NLK: variants seen among roughly 807,000 people sequenced by gnomAD.
The protein encoded by NLK is serine/threonine-protein kinase NLK.
NLK carries 11 observed loss-of-function variants against 59.0 expected under a neutral mutation model. That is an observed-to-expected ratio of 0.19 (90% confidence interval 0.12 to 0.31). The LOEUF (loss-of-function observed/expected upper bound fraction) is 0.31, where lower values mean the gene tolerates loss of function less well. NLK is among the 10% of genes least tolerant of loss of function. NLK has a pLI of 1.00. For synonymous variants in NLK, 235 were observed against 235.9 expected (o/e 1.00, Z 0.03); for missense variants, 410 against 661.1 (o/e 0.62, Z 4.16).
intron 3 of NLK, among the ~76,000 whole-genome samples, chr17:28,147,422 G>A (rs149992419): frequency 6.6e-6 from 1 of 152,264 alleles, no homozygotes; most frequent in African/African-American, 2.4e-5. Flanking sequence ...GTGTGAGGCT[G>A]ATTATTATGC....
chr17:28,198,072 CTT>C (rs1455068849), downstream of NLK, among the ~76,000 whole-genome samples: 1 of 152,158 alleles, frequency 6.6e-6, no homozygotes, highest in Non-Finnish European at 1.5e-5. Flanking sequence ...CAGCAGCAAT[CTT>C]TAAACTGGGG....
At chr17:28,091,711 A>G (rs1904501274) in intron 1 of NLK, among the ~76,000 whole-genome samples, 1 of 152,162 alleles carries the variant, frequency 6.6e-6, no homozygotes, top group Non-Finnish European at 1.5e-5. Flanking sequence ...CTCCAGTGAG[A>G]CAGTCTGATC....
intron 3 of NLK, among the ~76,000 whole-genome samples, chr17:28,159,629 C>A (rs1046201246): frequency 3.3e-5 from 5 of 152,172 alleles, no homozygotes; most frequent in Non-Finnish European, 7.4e-5. Flanking sequence ...CATTAACTTT[C>A]ATTATGAAGT....
At chr17:28,166,454 C>G (rs1908240708) in intron 5 of NLK, among the ~76,000 whole-genome samples, 1 of 152,044 alleles carries the variant, frequency 6.6e-6, no homozygotes, top group African/African-American at 2.4e-5. Context: ...ATTTTGTTTT[C>G]TTTAGAACGG....
chr17:28,156,591 T>A (rs1907746465), intron 3 of NLK, among the ~76,000 whole-genome samples: 1 of 151,940 alleles, frequency 6.6e-6, no homozygotes, highest in Non-Finnish European at 1.5e-5. Flanking sequence ...GGATGGTCAT[T>A]GATTTGTTAG....
chr17:28,043,439 T>C, intron 1 of NLK, 108 bp downstream of exon 1: 2 of 1,006,018 alleles, frequency 2.0e-6, no homozygotes, highest in African/African-American at 1.6e-5. Context: ...TGCAGCAAGC[T>C]TCTCAACCCA....
In NLK at chr17:28,066,056, T is replaced by G. The variant is rs189560865; in HGVS notation, c.458+22725T>G. Among the ~76,000 whole-genome samples the G allele has an allele frequency of 7.9e-5, 12 of 152,340 alleles. No individual in the cohort carries two copies. In the East Asian group the frequency reaches 2.1e-3, roughly 27 times the overall value. Reference sequence around the variant, plus strand: ...CGAAGTTATGTCAACGTAGCTTTCCTTTACTTTTCAGTCTCCAGATCCTGT... The same window carrying G: ...CGAAGTTATGTCAACGTAGCTTTCCGTTACTTTTCAGTCTCCAGATCCTGT... On this transcript the variant is annotated intron_variant, in intron 1 of 10. Transcript: ENST00000407008.
chr17:28,108,764 C>T (rs1030308890), intron 1 of NLK, among the ~76,000 whole-genome samples: 3 of 152,174 alleles, frequency 2.0e-5, no homozygotes, highest in Non-Finnish European at 4.4e-5. Flanking sequence ...ATATTAATTA[C>T]TAGATTTAAT....
At chr17:28,161,454 G>T (rs1460571644) in intron 4 of NLK, among the ~76,000 whole-genome samples, 188 bp downstream of exon 4, 1 of 152,144 alleles carries the variant, frequency 6.6e-6, no homozygotes, top group African/African-American at 2.4e-5. Flanking sequence ...TTGCCAAATA[G>T]TTCTTGTTTT....
At chr17:28,162,205 C>G (rs934925436) in intron 4 of NLK, among the ~76,000 whole-genome samples, 1 of 151,998 alleles carries the variant, frequency 6.6e-6, no homozygotes, top group Non-Finnish European at 1.5e-5. Context: ...TTAGTAGAGG[C>G]AGGGTTTCAC....
chr17:28,077,616 G>A (rs1910213764), intron 1 of NLK, among the ~76,000 whole-genome samples: 1 of 152,138 alleles, frequency 6.6e-6, no homozygotes, highest in African/African-American at 2.4e-5. Flanking sequence ...TTAGGCATCT[G>A]ATACTATCAG....
At chr17:28,193,514 C>T (rs1909383718) in intron 10 of NLK, among the ~76,000 whole-genome samples, 2 of 152,316 alleles carry the variant, frequency 1.3e-5, no homozygotes, top group Non-Finnish European at 2.9e-5. Flanking sequence ...AATGCCCTTC[C>T]AGCACCCTCT....
In NLK at chr17:28,043,086, AGCTGCGGCAGCCGCAGCAGCG is replaced by A; in HGVS notation, c.219_239del (p.Ala77_Ala83del). On this transcript the variant is annotated inframe_deletion, in exon 1 of 11. Transcript: ENST00000407008. The stretch of plus-strand genomic sequence containing the variant: ...CTGTACAGCAGCACACCTCTTCGGC[AGCTGCGGCAGCCGCAGCAGCG>A]GCTGCAGCTGCAGCCATGTTAAACC... The A allele has an allele frequency of 6.3e-7, 1 of 1,576,400 alleles. No individual in the cohort carries two copies. The highest frequency in any genetic ancestry group is 1.9e-5 in the Admixed American group (1 of 52,532).
chr17:28,186,794 T>C (rs1490917460), intron 8 of NLK, among the ~76,000 whole-genome samples: 1 of 152,160 alleles, frequency 6.6e-6, no homozygotes, highest in African/African-American at 2.4e-5. Context: ...GAATTCAAGA[T>C]GAGATTTGGG....
At chr17:28,144,041 G>A (rs1479151066) in intron 3 of NLK, among the ~76,000 whole-genome samples, 4 of 151,934 alleles carry the variant, frequency 2.6e-5, no homozygotes, top group South Asian at 2.1e-4. Flanking sequence ...TTTCTGAAGG[G>A]TGTGAAAAAT....
At chr17:28,111,353 ATT>A (rs957028971) in intron 1 of NLK, among the ~76,000 whole-genome samples, 6 of 143,316 alleles carry the variant, frequency 4.2e-5, no homozygotes, top group Admixed American at 7.0e-5. Flanking sequence ...TGCCTGGCTA[ATT>A]TTTTTTTTTT....
At chr17:28,111,428 G>A (rs923703762) in intron 1 of NLK, among the ~76,000 whole-genome samples, 5 of 151,758 alleles carry the variant, frequency 3.3e-5, no homozygotes, top group Admixed American at 2.0e-4. Flanking sequence ...GCCCACCTTG[G>A]CCTCCCAAAG....
At chr17:28,192,671 A>G (rs1323912242) in intron 10 of NLK, among the ~76,000 whole-genome samples, 1 of 151,974 alleles carries the variant, frequency 6.6e-6, no homozygotes. Flanking sequence ...TCCATCTCAA[A>G]AAAAAAAACA....
chr17:28,112,631 G>T (rs1052675269), intron 1 of NLK, among the ~76,000 whole-genome samples: 2 of 152,178 alleles, frequency 1.3e-5, no homozygotes, highest in African/African-American at 4.8e-5. Context: ...GCCACAGCTG[G>T]AAGTCCTGCC....
Sources: gnomAD v4.1 joint callset for allele counts (sites outside exome capture counted in the v4.1 genomes callset) on GRCh38, gnomAD v4.1.1 for gene constraint, MANE v1.5 for transcripts, NCBI Gene and HGNC (gene_info 2026-07-23, HGNC 2026-07-21) for gene names.